The following POLRMT variants were observed in gnomAD, a reference collection of about 807,000 sequenced individuals.
POLRMT encodes the protein RNA polymerase mitochondrial.
A neutral mutation model predicts 132.2 loss-of-function variants in POLRMT; 114 were observed. The observed-to-expected ratio is 0.86, with a 90% CI of 0.74 to 1.01. The LOEUF is 1.01. Ranked by LOEUF, POLRMT falls within the 50% of genes least tolerant of loss-of-function variation. The pLI, the probability that POLRMT is intolerant of heterozygous loss-of-function variation, is 0.00. For missense variants in POLRMT, 2,003 were observed against 1,729.1 expected, an observed-to-expected ratio of 1.16 and a Z score of -2.81; for synonymous variants, 1,020 against 773.4, an observed-to-expected ratio of 1.32 and a Z score of -5.29.
At chr19:632,759 C>CT (rs558212935) in intron 2 of POLRMT, 75 bp downstream of exon 2, 47 of 1,309,616 alleles carry the variant, frequency 3.6e-5, no homozygotes, top group Non-Finnish European at 4.8e-5. Flanking sequence ...GTCTCAGAAT[C>CT]TGAGCCTTTG....
At chr19:632,781 G>C (rs1186460482) in intron 2 of POLRMT, 53 bp downstream of exon 2, 29 of 1,434,750 alleles carry the variant, frequency 2.0e-5, no homozygotes, top group Non-Finnish European at 2.6e-5. Flanking sequence ...CTTTTCTCCC[G>C]GCAGCAGGGA....
intron 2 of POLRMT, 27 bp downstream of exon 2, chr19:632,807 C>T (rs1422314215): frequency 6.6e-6 from 10 of 1,525,554 alleles, no homozygotes; most frequent in Non-Finnish European, 8.8e-6. Context: ...CTCTCCTCTC[C>T]CGGGCCGCCG....
Position 631,341 on chromosome 19 carries a change from G to C in POLRMT, c.194-1173C>G, listed in dbSNP as rs189558802. Among the ~76,000 whole-genome samples the C allele has an allele frequency of 3.3e-5, 5 of 150,366 alleles. No individual in the cohort carries two copies. The South Asian group carries it at 8.5e-4, about 26-fold the overall frequency. ...GGACCCTGTCTCAAAAAAAAAAAGGGGGGGGGGGACCCAGGTGTCCAGATG... is the reference window on the plus strand; with the variant it reads ...GGACCCTGTCTCAAAAAAAAAAAGGCGGGGGGGGACCCAGGTGTCCAGATG... On this transcript the variant is annotated intron_variant, in intron 2 of 20. Transcript: ENST00000588649.
chr19:631,032 G>A (rs1985375466), intron 2 of POLRMT, among the ~76,000 whole-genome samples: 1 of 151,976 alleles, frequency 6.6e-6, no homozygotes, highest in Non-Finnish European at 1.5e-5. Flanking sequence ...GGTGGCATGT[G>A]TCTATAGTAC....
chr19:625,833 G>A (rs1403324436), intron 3 of POLRMT, among the ~76,000 whole-genome samples: 1 of 152,020 alleles, frequency 6.6e-6, no homozygotes, highest in Non-Finnish European at 1.5e-5. Flanking sequence ...CTCCTGAGTA[G>A]CTGGGATTAC....
intron 2 of POLRMT, among the ~76,000 whole-genome samples, chr19:632,545 G>GGT (rs1985499618): frequency 2.0e-5 from 3 of 151,134 alleles, no homozygotes; most frequent in South Asian, 2.1e-4. Flanking sequence ...CCGGGGGGGG[G>GGT]GTCTCTCCAG....
rs563420145 is a variant in POLRMT, at chr19:628,132, C to A, written c.822+1408G>T. Among the ~76,000 whole-genome samples the A allele has an allele frequency of 3.2e-4, 48 of 152,252 alleles. 1 individual carries two copies. The highest frequency in any genetic ancestry group is 6.8e-3 in the Middle Eastern group (2 of 294). On this transcript the variant is annotated intron_variant, in intron 3 of 20. Transcript: ENST00000588649. The stretch of plus-strand genomic sequence containing the variant: ...GGAACGCTGGGAGAGGCAGGAGGGG[C>A]CCCTGCTAGAGCCTCTGGAGAGACT...
chr19:624,802 T>C lies in POLRMT; in HGVS notation c.1057A>G (p.Lys353Glu). 1.2e-6 allele frequency: 2 copies of C among 1,613,518 alleles called. No individual in the cohort carries two copies. The highest frequency in any genetic ancestry group is 1.7e-6 in the Non-Finnish European group (2 of 1,180,008). Residue 353 changes from lysine (K) to glutamate (E), a missense_variant, in exon 5 of 21, where the codon AAG becomes GAG. By Grantham distance (56) the Lys-to-Glu change is moderately conservative (BLOSUM62 1). Transcript: ENST00000588649. ...GGGAGGCTGAAGGTGGGCTTCACCTTGTGCACGGCCTTCAGAACAGTGGCC... is the reference window on the plus strand; with the variant it reads ...GGGAGGCTGAAGGTGGGCTTCACCTCGTGCACGGCCTTCAGAACAGTGGCC... ...DRATVLKAVHKVKPTFSLPPQ... is the reference protein window; with the variant it reads ...DRATVLKAVHEVKPTFSLPPQ...
chr19:618,222 A>C, intron 17 of POLRMT: 1 of 548,038 alleles, frequency 1.8e-6, no homozygotes. Context: ...AGATCTAACC[A>C]CACATCGCGG....
chr19:619,387 C>G lies in POLRMT; in HGVS notation c.3067-91G>C, dbSNP rs1325014283. The G allele has an allele frequency of 2.0e-6, 3 of 1,465,430 alleles. No homozygotes were observed. In the African/African-American group the frequency reaches 4.2e-5, roughly 21 times the overall value. The allele number at this position is 1,465,430 out of a possible 1,614,324, so 90.8% of individuals were successfully genotyped here. ...ATTTCAGAGCCACTGAGGCCCAAGG[C>G]CTAGGGCCTAGCAGGGGGGCAGGGG... On this transcript the variant is annotated intron_variant, in intron 13 of 20. Coordinates refer to ENST00000588649, the MANE Select transcript of POLRMT (RefSeq NM_005035.4).
intron 2 of POLRMT, among the ~76,000 whole-genome samples, chr19:631,338 A>AAGGGGGG (rs764803872): frequency 8.8e-6 from 1 of 113,358 alleles, no homozygotes; most frequent in Non-Finnish European, 1.8e-5. Flanking sequence ...AAAAAAAAAA[A>AAGGGGGG]GGGGGGGGGG....
At chr19:618,911 T>C (rs1472918053) in intron 15 of POLRMT, 86 bp downstream of exon 15, 68 of 1,348,796 alleles carry the variant, frequency 5.0e-5, no homozygotes, top group African/African-American at 1.0e-4. Flanking sequence ...TACACTGGGG[T>C]GGTGGTACGC....
chr19:620,615 T>A (rs549184984), intron 10 of POLRMT, 128 bp from the exon 11 acceptor site: 280 of 1,210,986 alleles, frequency 2.3e-4, no homozygotes, highest in Middle Eastern at 1.1e-3. Context: ...ACGGGACGCA[T>A]GTGGGCGAGA....
intron 3 of POLRMT, 197 bp from the exon 4 acceptor site, chr19:625,451 G>T: frequency 1.6e-6 from 1 of 628,142 alleles, no homozygotes; most frequent in Non-Finnish European, 2.6e-6. Context: ...GCAGCCGCAT[G>T]GCCCGCCAGG....
chr19:619,355 C>A (rs1451068621), intron 13 of POLRMT, 59 bp from the exon 14 acceptor site: 2 of 1,551,446 alleles, frequency 1.3e-6, no homozygotes, highest in African/African-American at 2.7e-5. Flanking sequence ...ACGCCCTACT[C>A]CCCCCTATTT....
Position 622,635 on chromosome 19 carries a change from C to T in POLRMT, c.1573G>A (p.Ala525Thr), listed in dbSNP as rs1339566022. 1.9e-6 allele frequency: 3 copies of T among 1,607,458 alleles called. No homozygotes were observed. In the African/African-American group the frequency reaches 4.0e-5, roughly 21 times the overall value. Residue 525 changes from alanine to threonine, a missense_variant, in exon 8 of 21, where the codon GCG becomes ACG. Coordinates refer to ENST00000588649, the MANE Select transcript of POLRMT (RefSeq NM_005035.4). ...QRQRVSGQVQ[A>T]LQNHYRKYLC... is the part of the protein sequence containing the mutation. ...TACTTCCTGTAGTGGTTCTGCAGCGCCTGCACCTGGCCACTGACCCGCTGC... is the reference window on the plus strand; with the variant it reads ...TACTTCCTGTAGTGGTTCTGCAGCGTCTGCACCTGGCCACTGACCCGCTGC...
Position 632,856 on chromosome 19 carries a change from C to A in POLRMT, c.171G>T (p.Trp57Cys). ...QEQDQDRRKD[W>C]GHVELLEVLQ... is the part of the protein sequence containing the mutation. ...CACCCTCCAGCAGCTCCACGTGGCC[C>A]CAGTCCTTCCTGCGGTCTTGGTCTT... is the stretch of plus-strand genomic sequence containing the variant. Residue 57 changes from tryptophan (W) to cysteine (C), a missense_variant, in exon 2 of 21, where the codon TGG becomes TGT. Transcript: ENST00000588649. The A allele has an allele frequency of 6.5e-7, 1 of 1,548,270 alleles. No individual in the cohort carries two copies.
In POLRMT at chr19:623,533, A is replaced by C; in HGVS notation, c.1211T>G (p.Leu404Arg). ...KTLQCLFEKQLHMELASRVCV... is the reference protein window; with the variant it reads ...KTLQCLFEKQRHMELASRVCV... The stretch of plus-strand genomic sequence containing the variant: ...CACCCTGCTGGCCAGCTCCATGTGG[A>C]GCTGCTTCTCAAAGAGGCACTGCAG... Residue 404 changes from leucine (L) to arginine (R), a missense_variant, in exon 6 of 21, where the codon CTC becomes CGC. Leu to Arg is a moderately radical substitution (Grantham distance 102, BLOSUM62 -2). Coordinates refer to ENST00000588649, the MANE Select transcript of POLRMT (RefSeq NM_005035.4). 1 of 1,613,520 alleles carries C rather than the reference A, an allele frequency of 6.2e-7. No homozygotes were observed. The highest frequency in any genetic ancestry group is 1.1e-5 in the South Asian group (1 of 91,070).
In POLRMT at chr19:618,728, G is replaced by A. The variant is rs1359124444; in HGVS notation, c.3300C>T (p.Tyr1100=). 5.0e-6 allele frequency: 8 copies of A among 1,607,278 alleles called. No homozygotes were observed. Among genetic ancestry groups the A allele is most frequent in the African/African-American group, 2.7e-5 (2 of 74,802 alleles). ...ACCGGCTGATGTCTCCGTTGTGGGT[G>A]TAGGTGATGCTCTGAATTCCACCTC... ...QIGGGIQSIT[Y]THNGDISRKP... is the part of the protein sequence containing the mutation. Residue 1100 remains tyrosine (Y), a synonymous_variant, in exon 16 of 21, where the codon TAC becomes TAT. Coordinates refer to ENST00000588649, the MANE Select transcript of POLRMT (RefSeq NM_005035.4).
Sources: allele counts gnomAD v4.1 joint callset (sites outside exome capture counted in the v4.1 genomes callset), GRCh38; gene constraint gnomAD v4.1.1; transcripts MANE v1.5; gene names NCBI Gene and HGNC (gene_info 2026-07-23, HGNC 2026-07-21).